CAPS2: variants seen among roughly 807,000 people sequenced by gnomAD.
CAPS2 encodes calcyphosine 2, also known as calcyphosin-2.
CAPS2 carries 98 observed loss-of-function variants against 86.5 expected under a neutral mutation model. The observed-to-expected ratio is 1.13, with a 90% confidence interval of 0.96 to 1.34. The LOEUF (loss-of-function observed/expected upper bound fraction) is 1.34, where lower values mean the gene tolerates loss of function less well. Among genes scored for constraint, CAPS2 ranks in the 40% most tolerant of loss-of-function variants. The pLI is 0.00. For missense variants in CAPS2, 729 were observed against 686.8 expected (o/e 1.06, Z -0.69); for synonymous variants, 210 against 225.1 (o/e 0.93, Z 0.60).
intron 11 of CAPS2, among the ~76,000 whole-genome samples, 158 bp from the exon 12 acceptor site, chr12:75,293,525 C>G (rs1183215109): frequency 2.6e-5 from 4 of 152,142 alleles, no homozygotes; most frequent in African/African-American, 9.7e-5. Context: ...TTTGGAGAAA[C>G]TATATAGATA....
At chr12:75,369,470 T>A (rs1009832536) in intron 1 of CAPS2, 35 of 946,358 alleles carry the variant, frequency 3.7e-5, no homozygotes, top group Non-Finnish European at 4.0e-5. Flanking sequence ...ATTATTTTTT[T>A]AAGTAGATTA....
chr12:75,359,161 A>G (rs1451782608), intron 1 of CAPS2, among the ~76,000 whole-genome samples: 1 of 150,492 alleles, frequency 6.6e-6, no homozygotes, highest in Non-Finnish European at 1.5e-5. Context: ...GTATACTAAC[A>G]CTTAACCAGA....
At chr12:75,286,174 T>C (rs1032357504) in intron 14 of CAPS2, among the ~76,000 whole-genome samples, 1 of 152,010 alleles carries the variant, frequency 6.6e-6, no homozygotes, top group East Asian at 1.9e-4. Flanking sequence ...AAAAACATCA[T>C]CTTCCACTCC....
chr12:75,322,136 A>G (rs1290919933), intron 4 of CAPS2, among the ~76,000 whole-genome samples: 1 of 152,150 alleles, frequency 6.6e-6, no homozygotes, highest in Non-Finnish European at 1.5e-5. Context: ...AAATATTTTG[A>G]ACCATTTTGC....
intron 1 of CAPS2, among the ~76,000 whole-genome samples, chr12:75,351,145 G>C (rs532586049): frequency 3.3e-5 from 5 of 152,244 alleles, no homozygotes; most frequent in Non-Finnish European, 7.4e-5. Context: ...GACAAGATTA[G>C]AGAAAAAAGG....
At chr12:75,291,568 TATATATATATATA>T in intron 13 of CAPS2, among the ~76,000 whole-genome samples, 163 bp downstream of exon 13, 1 of 5,974 alleles carries the variant, frequency 1.7e-4, no homozygotes, top group Non-Finnish European at 3.1e-4. Flanking sequence ...TTTTTAAAAG[TATATATATATATA>T]TATATATATA....
downstream of CAPS2, chr12:75,276,968 G>T: frequency 1.0e-6 from 1 of 984,422 alleles, no homozygotes; most frequent in Non-Finnish European, 1.2e-6. Flanking sequence ...CTTTTATTAA[G>T]TTTAACACTA....
rs548330632 is a variant in CAPS2 at position 75,293,300 on chromosome 12, A to C, written c.1112T>G (p.Leu371Ter). 1.4e-5 allele frequency: 23 copies of C among 1,612,622 alleles called. No individual in the cohort carries two copies. In the South Asian group the frequency reaches 2.3e-4, roughly 16 times the overall value. ...AATATTTGTGATTCGGAGTTTAAGT[A>C]ATGTGTTTTCTTTGATGCTTTCTGG... Residue 371 changes from leucine to a stop codon, truncating the protein, a stop_gained, in exon 12 of 17, where the codon TTA (leucine) becomes TGA (stop). Transcript: ENST00000393284. LOFTEE classifies it high-confidence loss of function.
chr12:75,278,559 A>G (rs532270481), exon 17 of CAPS2: 2 of 1,008,586 alleles, frequency 2.0e-6, no homozygotes, highest in South Asian at 4.6e-5. Context: ...TTTGATGCAG[A>G]TGTAACTTTC....
At chr12:75,367,068 A>C (rs1593853446) in intron 1 of CAPS2, 3 of 699,148 alleles carry the variant, frequency 4.3e-6, no homozygotes, top group African/African-American at 1.7e-5. Flanking sequence ...ACAAAAATGC[A>C]CAGACAAGCC....
chr12:75,304,934 TC>T, intron 7 of CAPS2, 58 bp from the exon 8 acceptor site: 3 of 1,551,822 alleles, frequency 1.9e-6, no homozygotes, highest in Non-Finnish European at 2.6e-6. Flanking sequence ...ACTTTAAAAT[TC>T]ACATATTTAT....
At chr12:75,345,765 G>A (rs1274792323) in intron 1 of CAPS2, among the ~76,000 whole-genome samples, 1 of 152,134 alleles carries the variant, frequency 6.6e-6, no homozygotes, top group Non-Finnish European at 1.5e-5. Flanking sequence ...TCAAGGCTGA[G>A]TCATAGCTTT....
upstream of CAPS2, chr12:75,329,837 G>C: frequency 1.9e-6 from 3 of 1,545,726 alleles, no homozygotes; most frequent in Middle Eastern, 3.4e-4. Context: ...AGCACCTGCA[G>C]TGTAGCAGAA....
intron 6 of CAPS2, among the ~76,000 whole-genome samples, chr12:75,314,626 AT>A (rs147242096): frequency 0.037 from 5,698 of 152,212 alleles, 122 homozygotes; most frequent in East Asian, 0.052. Context: ...AAAGCAAGGT[AT>A]TTTTTTAATA....
intron 5 of CAPS2, among the ~76,000 whole-genome samples, chr12:75,319,167 A>G (rs953478682): frequency 2.0e-5 from 3 of 152,154 alleles, no homozygotes; most frequent in Non-Finnish European, 2.9e-5. Context: ...ATCACCTTTT[A>G]TAGTAAGTGG....
At chr12:75,280,296 TA>T (rs1372339044) in intron 16 of CAPS2, among the ~76,000 whole-genome samples, 4 of 151,902 alleles carry the variant, frequency 2.6e-5, no homozygotes, top group Non-Finnish European at 5.9e-5. Flanking sequence ...CGCATGTGAA[TA>T]GATTATAATT....
chr12:75,303,778 G>T (rs1474894314), intron 8 of CAPS2, among the ~76,000 whole-genome samples: 2 of 152,146 alleles, frequency 1.3e-5, no homozygotes, highest in African/African-American at 4.8e-5. Flanking sequence ...AGATTATTGG[G>T]ATTATCTGGG....
chr12:75,361,599 G>A (rs991890182), intron 1 of CAPS2, among the ~76,000 whole-genome samples: 5 of 152,170 alleles, frequency 3.3e-5, no homozygotes, highest in Non-Finnish European at 7.4e-5. Context: ...ATGGTTCCAC[G>A]TGACTGGGGA....
intron 15 of CAPS2, among the ~76,000 whole-genome samples, chr12:75,284,119 A>C (rs1162141936): frequency 6.6e-6 from 1 of 152,174 alleles, no homozygotes; most frequent in African/African-American, 2.4e-5. Flanking sequence ...CAAGCCTCCA[A>C]TTTCTACACC....
Sources: gnomAD v4.1 joint callset for allele counts (sites outside exome capture counted in the v4.1 genomes callset) on GRCh38, gnomAD v4.1.1 for gene constraint, MANE v1.5 for transcripts, NCBI Gene and HGNC (gene_info 2026-07-23, HGNC 2026-07-21) for gene names.